FKTN: variants seen among roughly 807,000 people sequenced by gnomAD.
The protein encoded by FKTN is fukutin.
FKTN carries 47 observed loss-of-function variants against 58.6 expected under a neutral mutation model. The ratio of observed to expected loss-of-function variants is 0.80; its 90% CI spans 0.63 to 1.02. The LOEUF is 1.02. FKTN is among the 50% of genes least tolerant of loss of function. The probability of loss-of-function intolerance (pLI) is 0.00; values close to 1 mark genes in which losing one functional copy is unlikely to be tolerated. For synonymous variants in FKTN, 178 were observed against 191.9 expected, an observed-to-expected ratio of 0.93 and a Z score of 0.60; for missense variants, 516 against 537.3, an observed-to-expected ratio of 0.96 and a Z score of 0.39.
chr9:105,600,919 A>G (rs1011379159), intron 4 of FKTN: 2 of 446,510 alleles, frequency 4.5e-6, no homozygotes, highest in African/African-American at 3.9e-5. Flanking sequence ...TTCTTGTAGC[A>G]TATTTCACCT....
chr9:105,600,772 A>T (rs1827732729), intron 4 of FKTN: 2 of 177,742 alleles, frequency 1.1e-5, no homozygotes, highest in African/African-American at 4.8e-5. Context: ...AGATTTAGCT[A>T]ATACTAAGAG....
chr9:105,629,894 G>A (rs1450824479), intron 10 of FKTN, among the ~76,000 whole-genome samples: 3 of 152,100 alleles, frequency 2.0e-5, no homozygotes, highest in African/African-American at 2.4e-5. Context: ...TCCTTTGTAG[G>A]GACATGGATG....
At chr9:105,582,239 T>C (rs1048205620) in intron 3 of FKTN, among the ~76,000 whole-genome samples, 1 of 150,826 alleles carries the variant, frequency 6.6e-6, no homozygotes, top group Non-Finnish European at 1.5e-5. Context: ...TCACCCAGGC[T>C]GAAGTACAGT....
At chr9:105,634,945 G>A in intron 10 of FKTN, 106 bp from the exon 11 acceptor site, 1 of 879,878 alleles carries the variant, frequency 1.1e-6, no homozygotes, top group Non-Finnish European at 2.0e-6. Context: ...TCCCAAAGCT[G>A]TGTAATGGGA....
chr9:105,596,456 A>C (rs1468576044), intron 3 of FKTN, 142 bp from the exon 4 acceptor site: 2 of 662,666 alleles, frequency 3.0e-6, no homozygotes, highest in African/African-American at 3.6e-5. Context: ...TTCTTAGCTC[A>C]TGACTATATG....
chr9:105,566,839 C>CAA, intron 1 of FKTN, among the ~76,000 whole-genome samples: 1 of 151,998 alleles, frequency 6.6e-6, no homozygotes, highest in South Asian at 2.1e-4. Flanking sequence ...AGAGACATAA[C>CAA]AAAAAAAGAG....
Position 105,636,643 on chromosome 9 carries a change from A to G in FKTN, c.*1379A>G. On this transcript the variant is annotated 3_prime_UTR_variant, in exon 11 of 11. Coordinates refer to ENST00000357998, the MANE Select transcript of FKTN (RefSeq NM_001079802.2). ...AGAGGTAAAGGAAAATGTAGGCACAATAAGCACTGCTATTTTTCTCTTTGT... is the reference window on the plus strand; with the variant it reads ...AGAGGTAAAGGAAAATGTAGGCACAGTAAGCACTGCTATTTTTCTCTTTGT... 2 of 1,244,260 alleles carry G rather than the reference A, an allele frequency of 1.6e-6. No individual in the cohort carries two copies. Among genetic ancestry groups the G allele is most frequent in the Non-Finnish European group, 2.1e-6 (2 of 949,206 alleles). The allele number at this position is 1,244,260 out of a possible 1,614,324, so 77.1% of individuals were successfully genotyped here.
intron 1 of FKTN, among the ~76,000 whole-genome samples, chr9:105,569,737 G>A (rs1304146420): frequency 6.6e-6 from 1 of 151,972 alleles, no homozygotes; most frequent in Non-Finnish European, 1.5e-5. Context: ...TCTCATATTT[G>A]CATTAGAACT....
In FKTN at chr9:105,636,924, A is replaced by T. The variant is rs1218963338; in HGVS notation, c.*1660A>T. 1 of 1,068,082 alleles carries T rather than the reference A, an allele frequency of 9.4e-7. No homozygotes were observed. The highest frequency in any genetic ancestry group is 1.7e-5 in the African/African-American group (1 of 60,288). 66.2% of individuals were successfully genotyped at this position (1,068,082 alleles called of 1,614,324 possible). On this transcript the variant is annotated 3_prime_UTR_variant, in exon 11 of 11. Coordinates refer to ENST00000357998, the MANE Select transcript of FKTN (RefSeq NM_001079802.2). Reference sequence around the variant, plus strand: ...CCAACAGTCTTCTGTCCTAATTTGCATTCTCAATGCAGAATTATTGGGTCT... The same window carrying T: ...CCAACAGTCTTCTGTCCTAATTTGCTTTCTCAATGCAGAATTATTGGGTCT...
rs202047149 is a variant in FKTN at position 105,575,062 on chromosome 9, G to A, written c.30G>A (p.Leu10=). The change falls in exon 3 of 11, where the codon TTG becomes TTA. Residue 10 remains leucine, a synonymous_variant. Coordinates refer to ENST00000357998, the MANE Select transcript of FKTN (RefSeq NM_001079802.2). The part of the protein sequence containing the change: MSRINKNVV[L]ALLTLTSSAF... The stretch of plus-strand genomic sequence containing the variant: ...GTAGAATCAATAAGAACGTGGTTTT[G>A]GCCCTTTTAACGCTGACAAGTTCTG... 30 of 1,610,030 alleles carry A rather than the reference G, an allele frequency of 1.9e-5. No homozygotes were observed. The East Asian group carries it at 6.5e-4, about 35-fold the overall frequency.
intron 3 of FKTN, among the ~76,000 whole-genome samples, chr9:105,591,975 G>C (rs1175973639): frequency 6.6e-6 from 1 of 152,242 alleles, no homozygotes; most frequent in Admixed American, 6.5e-5. Flanking sequence ...AACTAGAGCA[G>C]CTGGAATGCA....
intron 3 of FKTN, among the ~76,000 whole-genome samples, chr9:105,582,441 T>C (rs1277745167): frequency 2.0e-5 from 3 of 152,150 alleles, no homozygotes; most frequent in African/African-American, 7.2e-5. Flanking sequence ...GGCAGTTCTG[T>C]CACCTCAGGC....
intron 5 of FKTN, among the ~76,000 whole-genome samples, chr9:105,602,105 T>C (rs1327993171): frequency 1.3e-5 from 2 of 152,168 alleles, no homozygotes; most frequent in East Asian, 3.8e-4. Context: ...TTTTCCAAAA[T>C]AGTGAGCAAG....
rs949774391 is a variant in FKTN at position 105,640,743 on chromosome 9, T to G, written c.*5479T>G. 1.3e-5 allele frequency: 2 copies of G among 152,112 alleles called. No individual in the cohort carries two copies. The highest frequency in any genetic ancestry group is 2.9e-5 in the Non-Finnish European group (2 of 68,012). The allele number at this position is 152,112 out of a possible 1,614,324, so 9.4% of individuals were successfully genotyped here. A position where few individuals can be genotyped will look rare whatever the true frequency, so the allele number is the denominator to read the frequency against. On this transcript the variant is annotated 3_prime_UTR_variant, in exon 11 of 11. Transcript: ENST00000357998. The stretch of plus-strand genomic sequence containing the variant: ...AAGAGAATATAAGGAAAATTAGAAG[T>G]ACTGTATTTTTGCTATTGGAAATGA...
In FKTN at chr9:105,607,806, CTT is replaced by C. The variant is rs770613963; in HGVS notation, c.648-10_648-9del. On this transcript the variant is annotated splice_polypyrimidine_tract_variant and intron_variant, in intron 6 of 10. Coordinates refer to ENST00000357998, the MANE Select transcript of FKTN (RefSeq NM_001079802.2). ...CCCACCCCTCATTAATAAATCTTAACTTTTGTTTTCAGGCCAGAGTTACAGCA... is the reference window on the plus strand; with the variant it reads ...CCCACCCCTCATTAATAAATCTTAACTTGTTTTCAGGCCAGAGTTACAGCA... 41 of 1,587,806 alleles carry C rather than the reference CTT, an allele frequency of 2.6e-5. No homozygotes were observed. The highest frequency in any genetic ancestry group is 3.5e-5 in the Non-Finnish European group (41 of 1,158,774).
In FKTN at chr9:105,637,849, A is replaced by G; in HGVS notation, c.*2585A>G. ...TGTCCTTCTCTCCTCTGCTGCAGCT[A>G]CTGATATCTGGCCCCTGGAATAAAA... On this transcript the variant is annotated 3_prime_UTR_variant, in exon 11 of 11. Transcript: ENST00000357998. 1 of 985,392 alleles carries G rather than the reference A, an allele frequency of 1.0e-6. No individual in the cohort carries two copies. The highest frequency in any genetic ancestry group is 1.2e-6 in the Non-Finnish European group (1 of 829,932). 61.0% of individuals were successfully genotyped at this position (985,392 alleles called of 1,614,324 possible).
chr9:105,558,662 A>G (rs1837665960), intron 1 of FKTN, among the ~76,000 whole-genome samples: 1 of 151,592 alleles, frequency 6.6e-6, no homozygotes, highest in African/African-American at 2.4e-5. Context: ...GACCTAGATG[A>G]TATATCAGAT....
intron 10 of FKTN, among the ~76,000 whole-genome samples, chr9:105,633,980 C>T (rs905612740): frequency 1.3e-5 from 2 of 152,118 alleles, no homozygotes; most frequent in Admixed American, 6.5e-5. Context: ...CACACTGAAA[C>T]ACTTCTCAGA....
chr9:105,628,823 A>G (rs1201783338), intron 10 of FKTN, among the ~76,000 whole-genome samples: 1 of 152,236 alleles, frequency 6.6e-6, no homozygotes. Flanking sequence ...GGAAGAGTAT[A>G]TACTGTGTAC....
Sources: gnomAD v4.1 joint callset for allele counts (sites outside exome capture counted in the v4.1 genomes callset) on GRCh38, gnomAD v4.1.1 for gene constraint, MANE v1.5 for transcripts, NCBI Gene and HGNC (gene_info 2026-07-23, HGNC 2026-07-21) for gene names.